The following ACSL5 variants were observed in gnomAD, a reference collection of about 807,000 sequenced individuals.
ACSL5 encodes the protein long-chain-fatty-acid--CoA ligase 5.
In ACSL5, 50 loss-of-function variants were observed where a neutral mutation model predicts 84.9. That is an observed-to-expected ratio of 0.59 (90% CI 0.47 to 0.75). The LOEUF (loss-of-function observed/expected upper bound fraction) is 0.75, where lower values mean the gene tolerates loss of function less well. Among genes scored for constraint, ACSL5 ranks in the 30% least tolerant of loss-of-function variants. The probability of loss-of-function intolerance (pLI) is 0.00; values close to 1 mark genes in which losing one functional copy is unlikely to be tolerated. For missense variants in ACSL5, 775 were observed against 830.4 expected (o/e 0.93, Z 0.82); for synonymous variants, 280 against 300.7 (o/e 0.93, Z 0.71).
chr10:112,402,296 G>A (rs1843929613), intron 3 of ACSL5, among the ~76,000 whole-genome samples: 1 of 152,158 alleles, frequency 6.6e-6, no homozygotes, highest in South Asian at 2.1e-4. Flanking sequence ...ACATTCATCA[G>A]CTCTACCACT....
At chr10:112,417,781 C>A in intron 13 of ACSL5, 65 bp from the exon 14 acceptor site, 2 of 1,315,226 alleles carry the variant, frequency 1.5e-6, no homozygotes, top group Middle Eastern at 1.8e-4. Flanking sequence ...TATACCCACT[C>A]TACAGTGGAG....
chr10:112,413,236 G>A lies in ACSL5; in HGVS notation c.1012G>A (p.Asp338Asn). Residue 338 changes from aspartate to asparagine, a missense_variant, in exon 12 of 21, where the codon GAC becomes AAC. Transcript: ENST00000354655. The part of the protein sequence containing the change: ...FFQGDIRLLA[D>N]DMKTLKPTLF... ...CCAAGGGGATATTCGGTTGCTGGCT[G>A]ACGACATGAAGACTTTGAAGCCCAC... 1 of 1,614,212 alleles carries A rather than the reference G, an allele frequency of 6.2e-7. No homozygotes were observed. Among genetic ancestry groups the A allele is most frequent in the East Asian group, 2.2e-5 (1 of 44,894 alleles).
chr10:112,381,727 G>C (rs1849355137), intron 1 of ACSL5, among the ~76,000 whole-genome samples: 2 of 151,410 alleles, frequency 1.3e-5, no homozygotes, highest in African/African-American at 4.9e-5. Context: ...CCAGCACTTT[G>C]GGAGGTCGAG....
chr10:112,395,083 A>G lies in ACSL5; in HGVS notation c.137A>G (p.Asn46Ser). ...GTCTTACCTCTTCTTGACCTGAACA[A>G]TCAGTCTGTGGGAATTGAGGTAATT... ...QPVLPLLDLN[N>S]QSVGIEGGAR... The change falls in exon 2 of 21, where the codon AAT becomes AGT. Residue 46 changes from asparagine to serine, a missense_variant. Transcript: ENST00000354655. 2 of 1,613,934 alleles carry G rather than the reference A, an allele frequency of 1.2e-6. No homozygotes were observed. The highest frequency in any genetic ancestry group is 1.7e-6 in the Non-Finnish European group (2 of 1,179,942).
At chr10:112,390,726 A>G (rs1292071667) in intron 1 of ACSL5, among the ~76,000 whole-genome samples, 1 of 152,184 alleles carries the variant, frequency 6.6e-6, no homozygotes, top group Non-Finnish European at 1.5e-5. Flanking sequence ...ACAATGGGAT[A>G]ACATTGAGCC....
intron 2 of ACSL5, chr10:112,395,932 A>G (rs537831095): frequency 3.0e-4 from 46 of 152,404 alleles, no homozygotes; most frequent in African/African-American, 8.9e-4. Flanking sequence ...TGCATGTTCA[A>G]TGTCTTCACT....
intron 20 of ACSL5, 116 bp downstream of exon 20, chr10:112,426,975 A>G (rs1441153816): frequency 3.9e-6 from 4 of 1,022,848 alleles, no homozygotes; most frequent in Admixed American, 4.4e-5. Flanking sequence ...ATTTTGTGCC[A>G]TTAACTACAA....
chr10:112,401,786 C>CTCTTTCTT (rs1178224793), intron 3 of ACSL5, among the ~76,000 whole-genome samples: 1,412 of 119,314 alleles, frequency 0.012, 20 homozygotes, highest in Non-Finnish European at 0.013. Context: ...TTCTTTCTTT[C>CTCTTTCTT]TCTTTCTTTC....
intron 1 of ACSL5, among the ~76,000 whole-genome samples, chr10:112,375,017 T>C (rs1398957351): frequency 6.6e-6 from 1 of 151,742 alleles, no homozygotes; most frequent in East Asian, 1.9e-4. Flanking sequence ...GACTCAACCT[T>C]CCTGAACTTG....
chr10:112,400,652 C>G (rs2133604878), intron 3 of ACSL5, among the ~76,000 whole-genome samples: 1 of 152,092 alleles, frequency 6.6e-6, no homozygotes. Flanking sequence ...GGTGATCCAC[C>G]CACCTTGACC....
chr10:112,402,206 G>C (rs1843928393), intron 3 of ACSL5, among the ~76,000 whole-genome samples: 1 of 152,116 alleles, frequency 6.6e-6, no homozygotes, highest in South Asian at 2.1e-4. Flanking sequence ...GAGCTCAAGT[G>C]ATCTGCCAAC....
chr10:112,378,227 GTTTTTTTTTTTTTTTT>G (rs144322644), intron 1 of ACSL5, among the ~76,000 whole-genome samples: 4 of 56,806 alleles, frequency 7.0e-5, no homozygotes, highest in Non-Finnish European at 8.8e-5. Flanking sequence ...TCTTCTTCTT[GTTTTTTTTTTTTTTTT>G]TTTTTTTTTT....
chr10:112,397,082 C>T (rs1843763007), intron 2 of ACSL5, among the ~76,000 whole-genome samples: 1 of 152,154 alleles, frequency 6.6e-6, no homozygotes, highest in Admixed American at 6.6e-5. Flanking sequence ...ACCCGCAGCA[C>T]CTGTTGTAGC....
intron 1 of ACSL5, among the ~76,000 whole-genome samples, chr10:112,392,789 C>G (rs1021654174): frequency 2.6e-5 from 4 of 151,556 alleles, no homozygotes; most frequent in Non-Finnish European, 4.4e-5. Flanking sequence ...GTGGCACACA[C>G]CTGTAGTCCC....
At chr10:112,384,557 G>T (rs955149295) in intron 1 of ACSL5, among the ~76,000 whole-genome samples, 1 of 152,070 alleles carries the variant, frequency 6.6e-6, no homozygotes, top group Non-Finnish European at 1.5e-5. Context: ...GCCCTGGCTG[G>T]AGCGCAGTAG....
intron 5 of ACSL5, chr10:112,406,382 T>G (rs1589687962): frequency 6.6e-6 from 1 of 152,312 alleles, no homozygotes; most frequent in East Asian, 1.9e-4. Context: ...ACCCCACACT[T>G]AAAACTTCAT....
chr10:112,420,106 T>C lies in ACSL5; in HGVS notation c.1315-1487T>C, dbSNP rs530969227. ...TGCCAAGGCCTGAGGTCCTTCAAAT[T>C]AGCATCCTCTTAGCCATTTTTAATA... On this transcript the variant is annotated intron_variant, in intron 14 of 20. Transcript: ENST00000354655. The C allele has an allele frequency of 2.0e-5, 3 of 152,344 alleles. No homozygotes were observed. The South Asian group carries it at 6.2e-4, about 32-fold the overall frequency. The allele number at this position is 152,344 out of a possible 1,614,324, so 9.4% of individuals were successfully genotyped here. A position where few individuals can be genotyped will look rare whatever the true frequency, so the allele number is the denominator to read the frequency against.
chr10:112,415,950 G>T (rs190381278), intron 12 of ACSL5, among the ~76,000 whole-genome samples: 1 of 152,286 alleles, frequency 6.6e-6, no homozygotes, highest in Admixed American at 6.5e-5. Context: ...GGGTCACAGT[G>T]AGGTCAGAGT....
chr10:112,375,847 T>C (rs565446058), intron 1 of ACSL5, among the ~76,000 whole-genome samples: 129 of 152,336 alleles, frequency 8.5e-4, no homozygotes, highest in African/African-American at 3.0e-3. Context: ...CAGGCAGCTC[T>C]GGCGACTGGA....
Sources: gnomAD v4.1 joint callset for allele counts (sites outside exome capture counted in the v4.1 genomes callset) on GRCh38, gnomAD v4.1.1 for gene constraint, MANE v1.5 for transcripts, NCBI Gene and HGNC (gene_info 2026-07-23, HGNC 2026-07-21) for gene names.